Variants in ITPR1 observed in about 807,000 individuals in gnomAD.
The protein encoded by ITPR1 is inositol 1,4,5-trisphosphate-gated calcium channel ITPR1.
In ITPR1, 96 loss-of-function variants were observed where a neutral mutation model predicts 318.4. The observed-to-expected ratio is 0.30, with a 90% CI of 0.26 to 0.36. The LOEUF (loss-of-function observed/expected upper bound fraction) is 0.36, where lower values mean the gene tolerates loss of function less well. Among genes scored for constraint, ITPR1 ranks in the 10% least tolerant of loss-of-function variants. ITPR1 has a pLI of 1.00. For missense variants in ITPR1, 2,440 were observed against 3,460.2 expected (o/e 0.71, Z 7.40); for synonymous variants, 1,312 against 1,289.9 (o/e 1.02, Z -0.37).
chr3:4,663,445 T>C (rs556100253), intron 16 of ITPR1, among the ~76,000 whole-genome samples: 1 of 152,304 alleles, frequency 6.6e-6, no homozygotes, highest in Non-Finnish European at 1.5e-5. Flanking sequence ...TTGAGGGATA[T>C]TGGTGATTCC....
At chr3:4,559,807 A>G (rs569555440) in intron 4 of ITPR1, among the ~76,000 whole-genome samples, 1 of 152,338 alleles carries the variant, frequency 6.6e-6, no homozygotes, top group African/African-American at 2.4e-5. Context: ...AACTTTGTGT[A>G]GGGTCACTCA....
rs1163384136 is a variant in ITPR1, at chr3:4,710,940, G to A, written c.4991+467G>A. Among the ~76,000 whole-genome samples, 3 of 152,178 alleles carry A rather than the reference G, an allele frequency of 2.0e-5. No homozygotes were observed. In the South Asian group the frequency reaches 6.2e-4, roughly 31 times the overall value. ...AGATTTTTGCCCCAAGGCCGGACAC[G>A]GTGGCTCATGCCTGTAATCCCAGCA... On this transcript the variant is annotated intron_variant, in intron 38 of 61. Transcript: ENST00000649015. This position sits in a 1 kb window ranked among gnomAD's most constrained non-coding sequence, Gnocchi z 4.2.
At chr3:4,820,011 A>T (rs1018100541) in intron 60 of ITPR1, among the ~76,000 whole-genome samples, 4 of 152,124 alleles carry the variant, frequency 2.6e-5, no homozygotes, top group African/African-American at 9.7e-5. Context: ...TTGATAGGAA[A>T]CCGGGAGGGT....
At position 4,768,575 on chromosome 3, in the gene ITPR1, C is replaced by T. The variant is rs556108129; in HGVS notation, c.5790C>T (p.Ala1930=). 1 of 1,614,004 alleles carries T rather than the reference C, an allele frequency of 6.2e-7. No homozygotes were observed. The highest frequency in any genetic ancestry group is 1.1e-5 in the South Asian group (1 of 91,086). ...ATCAGCTCCTGGAGGCCTCCGCTGC[C>T]ACCAGGAAAGCCTTCACCACTTTCA... ...VRDQLLEASA[A]TRKAFTTFRR... Residue 1930 remains alanine, a synonymous_variant, in exon 46 of 62, where the codon GCC becomes GCT. Transcript: ENST00000649015.
In ITPR1 at chr3:4,516,966, A is replaced by G. The variant is rs192226819; in HGVS notation, c.92+383A>G. Among the ~76,000 whole-genome samples, 260 of 152,310 alleles carry G rather than the reference A, an allele frequency of 1.7e-3. 1 individual carries two copies. Among genetic ancestry groups the G allele is most frequent in the Admixed American group, 0.016 (241 of 15,306 alleles). ...TAGTTTTGTAAAGGCTCTTCTTTTCAGATAGTGACTCCTTTATAATATAAG... is the reference window on the plus strand; with the variant it reads ...TAGTTTTGTAAAGGCTCTTCTTTTCGGATAGTGACTCCTTTATAATATAAG... On this transcript the variant is annotated intron_variant, in intron 3 of 61. Coordinates refer to ENST00000649015, the MANE Select transcript of ITPR1 (RefSeq NM_001378452.1).
At chr3:4,565,716 A>C (rs991146108) in intron 4 of ITPR1, among the ~76,000 whole-genome samples, 1 of 152,218 alleles carries the variant, frequency 6.6e-6, no homozygotes, top group African/African-American at 2.4e-5. Flanking sequence ...TCTGCAAACA[A>C]TTGAACAGCT....
intron 2 of ITPR1, among the ~76,000 whole-genome samples, chr3:4,503,786 A>C (rs979832994): frequency 6.6e-6 from 1 of 152,056 alleles, no homozygotes; most frequent in Non-Finnish European, 1.5e-5. Context: ...TGGCTTGGTG[A>C]GACTTTTGTC....
At chr3:4,661,796 T>C (rs550634388) in intron 14 of ITPR1, among the ~76,000 whole-genome samples, 1 of 152,336 alleles carries the variant, frequency 6.6e-6, no homozygotes, top group Admixed American at 6.5e-5. Context: ...TTTACAAACA[T>C]CTTCTTTAGT....
rs757377545 is a variant in ITPR1, at chr3:4,665,341, T to G, written c.1713+45T>G. 4 of 1,554,714 alleles carry G rather than the reference T, an allele frequency of 2.6e-6. No homozygotes were observed. The East Asian group carries it at 9.1e-5, about 35-fold the overall frequency. The stretch of plus-strand genomic sequence containing the variant: ...GGGATGTGGTTGTCAGTTTCCTCCC[T>G]GAAGTTTGTGAACTTTCCTCCTGAG... On this transcript the variant is annotated intron_variant, in intron 17 of 61. Coordinates refer to ENST00000649015, the MANE Select transcript of ITPR1 (RefSeq NM_001378452.1).
At chr3:4,801,306 T>A (rs541549329) in intron 54 of ITPR1, among the ~76,000 whole-genome samples, 3 of 152,270 alleles carry the variant, frequency 2.0e-5, no homozygotes, top group Non-Finnish European at 4.4e-5. Flanking sequence ...TGAGGTCCCA[T>A]GCAAAACTGG....
chr3:4,583,209 T>G (rs1251041364), intron 4 of ITPR1, among the ~76,000 whole-genome samples: 3 of 152,192 alleles, frequency 2.0e-5, no homozygotes, highest in Admixed American at 2.0e-4. Context: ...AGTGGTCTCA[T>G]AAATATTTTC....
chr3:4,828,011 C>G (rs917461963), intron 60 of ITPR1, among the ~76,000 whole-genome samples: 4 of 151,656 alleles, frequency 2.6e-5, no homozygotes, highest in African/African-American at 9.7e-5. Context: ...CGGGACTGAC[C>G]TTGAGTAAAA....
chr3:4,757,013 A>G (rs540026404), intron 44 of ITPR1, among the ~76,000 whole-genome samples: 3 of 152,254 alleles, frequency 2.0e-5, no homozygotes, highest in Non-Finnish European at 4.4e-5. Context: ...TGATGCTGAC[A>G]TGGCAGGTGG....
At chr3:4,632,506 G>T (rs569466699) in intron 5 of ITPR1, among the ~76,000 whole-genome samples, 10 of 152,250 alleles carry the variant, frequency 6.6e-5, no homozygotes, top group South Asian at 4.1e-4. Context: ...TGGGAATGTG[G>T]GCTGAGAGCT....
At chr3:4,818,361 G>A in intron 60 of ITPR1, 119 bp downstream of exon 60, 2 of 778,198 alleles carry the variant, frequency 2.6e-6, no homozygotes, top group Non-Finnish European at 3.9e-6. Context: ...TGTTGCCTGA[G>A]CCCTTCTCAC....
At chr3:4,513,105 C>T (rs531539448) in intron 2 of ITPR1, among the ~76,000 whole-genome samples, 1 of 152,202 alleles carries the variant, frequency 6.6e-6, no homozygotes, top group South Asian at 2.1e-4. Context: ...CACAAATGGT[C>T]CACGATCAGA....
intron 59 of ITPR1, among the ~76,000 whole-genome samples, chr3:4,816,692 A>G (rs1286960315): frequency 1.3e-5 from 2 of 152,216 alleles, no homozygotes; most frequent in Non-Finnish European, 2.9e-5. Context: ...CCCAGCCGTG[A>G]TACTAACGTT....
intron 39 of ITPR1, among the ~76,000 whole-genome samples, chr3:4,713,724 G>A (rs951722082): frequency 1.3e-5 from 2 of 152,234 alleles, no homozygotes; most frequent in Admixed American, 6.5e-5. Context: ...TTATATCACA[G>A]TTTTGTAGAG....
At chr3:4,840,476 G>C (rs1187277776) in intron 61 of ITPR1, among the ~76,000 whole-genome samples, 1 of 152,070 alleles carries the variant, frequency 6.6e-6, no homozygotes, top group Non-Finnish European at 1.5e-5. Flanking sequence ...TGTTGTTGTT[G>C]TTGTTTGTTT....
Sources: gnomAD v4.1 joint callset for allele counts (sites outside exome capture counted in the v4.1 genomes callset) on GRCh38, gnomAD v4.1.1 for gene constraint, Gnocchi (gnomAD v3.1) non-coding constraint, MANE v1.5 for transcripts, NCBI Gene and HGNC (gene_info 2026-07-23, HGNC 2026-07-21) for gene names.